SEC31A: variants seen among roughly 807,000 people sequenced by gnomAD.
SEC31A encodes protein transport protein Sec31A.
In SEC31A, 70 loss-of-function variants were observed where a neutral mutation model predicts 151.0. That is an observed-to-expected ratio of 0.46 (90% CI 0.38 to 0.57). SEC31A has a LOEUF of 0.57. Among genes scored for constraint, SEC31A ranks in the 20% least tolerant of loss-of-function variants. The pLI, the probability that SEC31A is intolerant of heterozygous loss-of-function variation, is 0.00. For synonymous variants in SEC31A, 475 were observed against 505.9 expected, an observed-to-expected ratio of 0.94 and a Z score of 0.82; for missense variants, 1,330 against 1,471.2, an observed-to-expected ratio of 0.90 and a Z score of 1.57.
At chr4:82,819,612 T>C (rs1262721411) in intron 26 of SEC31A, among the ~76,000 whole-genome samples, 1 of 152,172 alleles carries the variant, frequency 6.6e-6, no homozygotes, top group African/African-American at 2.4e-5. Context: ...AGATTAAAGA[T>C]TCTTAATCAT....
chr4:82,880,195 A>G (rs1738963782), intron 3 of SEC31A, among the ~76,000 whole-genome samples: 1 of 151,776 alleles, frequency 6.6e-6, no homozygotes, highest in Admixed American at 6.6e-5. Flanking sequence ...AAAAAAAAAC[A>G]AAAACAAAAA....
At chr4:82,831,115 T>G in intron 22 of SEC31A, 1 of 182,992 alleles carries the variant, frequency 5.5e-6, no homozygotes, top group Non-Finnish European at 1.1e-5. Context: ...AACTCACTTT[T>G]TAATCAAGTC....
upstream of SEC31A, chr4:82,893,537 T>C (rs571460280): frequency 6.6e-6 from 1 of 152,262 alleles, no homozygotes; most frequent in African/African-American, 2.4e-5. Flanking sequence ...GTAGCATCCA[T>C]TTCATTGTTT....
intron 25 of SEC31A, among the ~76,000 whole-genome samples, chr4:82,823,793 A>G (rs79005918): frequency 0.019 from 2,855 of 152,336 alleles, 82 homozygotes; most frequent in African/African-American, 0.066. Flanking sequence ...AACAATTTCA[A>G]TATAAGCTCA....
Position 82,818,769 on chromosome 4 carries a change from GTA to G in SEC31A, c.*303_*304del, listed in dbSNP as rs1449924126. ...TAACCAGATGCTCCTTTTCTAAAAA[GTA>G]TATTGAGGTTTTAAAAAACACATTT... On this transcript the variant is annotated 3_prime_UTR_variant, in exon 27 of 27. Transcript: ENST00000395310. The G allele has an allele frequency of 4.8e-6, 1 of 208,596 alleles. No individual in the cohort carries two copies. Among genetic ancestry groups the G allele is most frequent in the African/African-American group, 2.3e-5 (1 of 43,698 alleles). The allele number at this position is 208,596 out of a possible 1,614,324, so 12.9% of individuals were successfully genotyped here.
chr4:82,856,136 T>C (rs1020916203), intron 16 of SEC31A, among the ~76,000 whole-genome samples: 1 of 152,060 alleles, frequency 6.6e-6, no homozygotes, highest in Non-Finnish European at 1.5e-5. Flanking sequence ...CCATGAAATA[T>C]TATAGAGCAA....
At chr4:82,871,728 A>C (rs1222574252) in intron 7 of SEC31A, 1 of 577,344 alleles carries the variant, frequency 1.7e-6, no homozygotes, top group Non-Finnish European at 3.0e-6. Flanking sequence ...AATCCCAGCT[A>C]CTCAGGAGGC....
intron 24 of SEC31A, among the ~76,000 whole-genome samples, chr4:82,825,382 A>G (rs770837224): frequency 1.3e-5 from 2 of 151,460 alleles, no homozygotes; most frequent in Non-Finnish European, 2.9e-5. Flanking sequence ...ACCAATGTAC[A>G]TAAAATAGCA....
chr4:82,851,201 C>T (rs1186470293), intron 19 of SEC31A, among the ~76,000 whole-genome samples: 3 of 152,134 alleles, frequency 2.0e-5, no homozygotes, highest in Admixed American at 6.5e-5. Context: ...AATACTATGT[C>T]GGTACAAAGG....
intron 22 of SEC31A, among the ~76,000 whole-genome samples, chr4:82,836,864 T>G (rs1727435925): frequency 6.6e-6 from 1 of 151,972 alleles, no homozygotes; most frequent in African/African-American, 2.4e-5. Context: ...TCAACAATAA[T>G]TATTGTACAT....
At position 82,846,525 on chromosome 4, in the gene SEC31A, C is replaced by T. The variant is rs567848726; in HGVS notation, c.2503-2016G>A. 8.4e-4 allele frequency among the ~76,000 whole-genome samples: 127 copies of T among 151,996 alleles called. No homozygotes were observed. In the Middle Eastern group the frequency reaches 0.01, roughly 12 times the overall value. ...CCTGCCTCCCCTTCCACCTCCTCCA[C>T]CTTTTCTCCCTCTGCCATCCCTGAG... On this transcript the variant is annotated intron_variant, in intron 20 of 26. Transcript: ENST00000395310.
At chr4:82,884,051 G>T (rs1271120801) in intron 1 of SEC31A, among the ~76,000 whole-genome samples, 3 of 146,614 alleles carry the variant, frequency 2.0e-5, no homozygotes, top group Non-Finnish European at 4.5e-5. Context: ...ACAGTGGGGC[G>T]ATCTCGGCTC....
At chr4:82,868,519 T>TAA (rs35531037) in intron 8 of SEC31A, among the ~76,000 whole-genome samples, 24 of 109,522 alleles carry the variant, frequency 2.2e-4, no homozygotes, top group South Asian at 7.8e-4. Context: ...TTAATAGTAC[T>TAA]AAAAAAAATA....
In SEC31A at chr4:82,867,374, C is replaced by T. The variant is rs1049762564; in HGVS notation, c.883-58G>A. The stretch of plus-strand genomic sequence containing the variant: ...GAAAATGGTATGGCCACTTTGTAAC[C>T]AAAACACCTGAATTAATGTGGTCAA... On this transcript the variant is annotated intron_variant, in intron 8 of 26. Transcript: ENST00000395310. The T allele has an allele frequency of 4.9e-6, 7 of 1,430,040 alleles. No individual in the cohort carries two copies. In the African/African-American group the frequency reaches 8.5e-5, roughly 17 times the overall value. 88.6% of individuals were successfully genotyped at this position (1,430,040 alleles called of 1,614,324 possible). A position where few individuals can be genotyped will look rare whatever the true frequency, so the allele number is the denominator to read the frequency against.
chr4:82,891,103 G>C lies in SEC31A; in HGVS notation c.-20C>G, dbSNP rs185312463. On this transcript the variant is annotated 5_prime_UTR_variant, in exon 1 of 27. Transcript: ENST00000395310. ...GCGGACGCACCTGGCGAGGACCTTCGGCAGCCGGATCCTGCGTTAGTGCAG... is the reference window on the plus strand; with the variant it reads ...GCGGACGCACCTGGCGAGGACCTTCCGCAGCCGGATCCTGCGTTAGTGCAG... 208 of 1,535,988 alleles carry C rather than the reference G, an allele frequency of 1.4e-4. No individual in the cohort carries two copies. In the African/African-American group the frequency reaches 2.3e-3, roughly 17 times the overall value.
intron 20 of SEC31A, among the ~76,000 whole-genome samples, chr4:82,845,728 T>C (rs1009254836): frequency 2.6e-5 from 4 of 152,076 alleles, no homozygotes; most frequent in Admixed American, 1.3e-4. Context: ...ACAAACACAG[T>C]GGTATAAGCT....
intron 6 of SEC31A, among the ~76,000 whole-genome samples, chr4:82,873,194 C>T (rs1364095204): frequency 6.6e-6 from 1 of 151,906 alleles, no homozygotes; most frequent in Non-Finnish European, 1.5e-5. Flanking sequence ...CCCATCTCTA[C>T]TAAAAATACA....
rs145112854 is a variant in SEC31A, at chr4:82,864,474, C to T, written c.1322G>A (p.Arg441Gln). ...QVVTEKEFLS[R>Q]SDQLQQAVQS... is the part of the protein sequence containing the mutation. ...CACAGCCTGCTGAAGTTGGTCTGAT[C>T]GGCTGAGGAACTCCTTTTCTGTTAC... Residue 441 changes from arginine to glutamine, a missense_variant, in exon 11 of 27, where the codon CGA becomes CAA. Arg to Gln is a conservative substitution (Grantham distance 43, BLOSUM62 1). Coordinates refer to ENST00000395310, the MANE Select transcript of SEC31A (RefSeq NM_001077207.4). 30 of 1,613,960 alleles carry T rather than the reference C, an allele frequency of 1.9e-5. No homozygotes were observed. In the Middle Eastern group the frequency reaches 8.2e-4, roughly 44 times the overall value.
intron 22 of SEC31A, among the ~76,000 whole-genome samples, chr4:82,835,016 T>C (rs1726875057): frequency 1.3e-5 from 2 of 152,220 alleles, no homozygotes; most frequent in Middle Eastern, 3.4e-3. Context: ...TGGCTAAGTT[T>C]TGTATATTTA....
Sources: gnomAD v4.1 joint callset for allele counts (sites outside exome capture counted in the v4.1 genomes callset) on GRCh38, gnomAD v4.1.1 for gene constraint, MANE v1.5 for transcripts, NCBI Gene and HGNC (gene_info 2026-07-23, HGNC 2026-07-21) for gene names.